The following CARM1 variants were observed in gnomAD, a reference collection of about 807,000 sequenced individuals.
The protein encoded by CARM1 is coactivator associated arginine methyltransferase 1, also known as histone-arginine methyltransferase CARM1.
Under a neutral mutation model 72.7 loss-of-function variants are expected in CARM1, and 14 were observed. The observed-to-expected ratio is 0.19, with a 90% CI of 0.13 to 0.30. CARM1 has a LOEUF of 0.30. CARM1 is among the 10% of genes least tolerant of loss of function. The pLI, the probability that CARM1 is intolerant of heterozygous loss-of-function variation, is 1.00. For missense variants in CARM1, 432 were observed against 833.7 expected (o/e 0.52, Z 5.93); for synonymous variants, 333 against 345.5 (o/e 0.96, Z 0.40).
Position 10,920,942 on chromosome 19 carries a change from G to C in CARM1, c.1533G>C (p.Val511=), listed in dbSNP as rs780534810. 4 of 1,614,090 alleles carry C rather than the reference G, an allele frequency of 2.5e-6. No homozygotes were observed. In the African/African-American group the frequency reaches 5.3e-5, roughly 22 times the overall value. ...STYNLSSGMA[V]AGMPTAYDLS... ...ACAACCTCAGCAGCGGGATGGCCGT[G>C]GCAGGTGAGCAGGGCCCACCCCAAT... is the stretch of plus-strand genomic sequence containing the variant. The change falls in exon 13 of 16, where the codon GTG becomes GTC. Residue 511 remains valine (V), a synonymous_variant. Transcript: ENST00000327064. This position sits in a 1 kb window ranked among gnomAD's most constrained non-coding sequence, Gnocchi z 5.3.
intron 2 of CARM1, among the ~76,000 whole-genome samples, chr19:10,905,653 A>C (rs1174911650): frequency 6.6e-6 from 1 of 152,158 alleles, no homozygotes; most frequent in Non-Finnish European, 1.5e-5. Context: ...CCAGTGGTTG[A>C]CACAGGTGCT....
rs963626981 is a variant in CARM1, at chr19:10,921,960, C to T, written c.*203C>T. ...CCACCTCCCGGCCCTGAGCGTGTGTCGCTGCCATATTTTACACAAAATCAT... is the reference window on the plus strand; with the variant it reads ...CCACCTCCCGGCCCTGAGCGTGTGTTGCTGCCATATTTTACACAAAATCAT... On this transcript the variant is annotated 3_prime_UTR_variant, in exon 16 of 16. Transcript: ENST00000327064. The T allele has an allele frequency of 1.7e-5, 9 of 530,710 alleles. No individual in the cohort carries two copies. Among genetic ancestry groups the T allele is most frequent in the South Asian group, 7.7e-5 (3 of 38,818 alleles). The allele number at this position is 530,710 out of a possible 1,614,324, so 32.9% of individuals were successfully genotyped here.
chr19:10,876,701 G>A (rs2073867218), intron 1 of CARM1, among the ~76,000 whole-genome samples: 1 of 152,260 alleles, frequency 6.6e-6, no homozygotes, highest in South Asian at 2.1e-4. Flanking sequence ...TGCAGAGGGG[G>A]AGGCCCTTTG....
Position 10,886,060 on chromosome 19 carries a change from T to C in CARM1, c.220+14138T>C, listed in dbSNP as rs567753902. On this transcript the variant is annotated intron_variant, in intron 1 of 15. Transcript: ENST00000327064. ...AATTTTTTTCTTTCTTTCTTTCTTT[T>C]TTTTTTTTTTTTTGAAATGGAGTTT... Among the ~76,000 whole-genome samples, 261 of 148,298 alleles carry C rather than the reference T, an allele frequency of 1.8e-3. 3 individuals carry two copies. The highest frequency in any genetic ancestry group is 8.5e-3 in the South Asian group (40 of 4,690).
At chr19:10,905,162 G>A in intron 2 of CARM1, 86 bp downstream of exon 2, 1 of 1,517,420 alleles carries the variant, frequency 6.6e-7, no homozygotes, top group Non-Finnish European at 8.9e-7. Context: ...TGGCTGAGGG[G>A]TGGCCCGTGC....
rs1299395944 is a variant in CARM1 at position 10,920,960 on chromosome 19, AC to A, written c.1537+18del. ...TGGCCGTGGCAGGTGAGCAGGGCCCACCCCAATGCCCAGCCAACCCGGGAGG... is the reference window on the plus strand; with the variant it reads ...TGGCCGTGGCAGGTGAGCAGGGCCCACCCAATGCCCAGCCAACCCGGGAGG... On this transcript the variant is annotated intron_variant, in intron 13 of 15. Coordinates refer to ENST00000327064, the MANE Select transcript of CARM1 (RefSeq NM_199141.2). The surrounding 1 kb of genome is among the most constrained non-coding windows in gnomAD (Gnocchi z 5.3). 1 of 1,613,478 alleles carries A rather than the reference AC, an allele frequency of 6.2e-7. No individual in the cohort carries two copies. The highest frequency in any genetic ancestry group is 1.7e-5 in the Admixed American group (1 of 60,026).
intron 6 of CARM1, 130 bp downstream of exon 6, chr19:10,914,184 C>A: frequency 2.1e-6 from 2 of 946,234 alleles, no homozygotes; most frequent in Non-Finnish European, 1.6e-6. Flanking sequence ...TGGGCTTTTC[C>A]CCCGCTCCCA....
intron 6 of CARM1, among the ~76,000 whole-genome samples, chr19:10,914,743 A>C (rs1207125178): frequency 6.6e-6 from 1 of 152,106 alleles, no homozygotes; most frequent in Non-Finnish European, 1.5e-5. Context: ...TTTAGTAGAG[A>C]TGGGGTTTCA....
At chr19:10,903,904 A>G (rs926489335) in intron 1 of CARM1, among the ~76,000 whole-genome samples, 14 of 152,118 alleles carry the variant, frequency 9.2e-5, no homozygotes, top group Admixed American at 3.3e-4. Context: ...GGGTCTTGCT[A>G]TGCTGCCCAG....
intron 1 of CARM1, among the ~76,000 whole-genome samples, chr19:10,894,288 G>A (rs751244503): frequency 2.0e-5 from 3 of 152,314 alleles, no homozygotes; most frequent in South Asian, 2.1e-4. Flanking sequence ...CTGGTTCACC[G>A]CCAGGTCCTC....
In CARM1 at chr19:10,914,823, TG is replaced by T. The variant is rs371746883; in HGVS notation, c.847+772del. Among the ~76,000 whole-genome samples the T allele has an allele frequency of 1.7e-3, 261 of 152,252 alleles. 2 individuals carry two copies. The highest frequency in any genetic ancestry group is 6.1e-3 in the African/African-American group (252 of 41,556). ...TACCCGCCTCAGCCTCCCAAAGTGT[TG>T]GGATTATAGGCATGAGCCACTGTGC... On this transcript the variant is annotated intron_variant, in intron 6 of 15. Coordinates refer to ENST00000327064, the MANE Select transcript of CARM1 (RefSeq NM_199141.2).
In CARM1 at chr19:10,912,329, C is replaced by T. The variant is rs755478677; in HGVS notation, c.669+35C>T. 3.3e-6 allele frequency: 5 copies of T among 1,510,634 alleles called. No homozygotes were observed. Among genetic ancestry groups the T allele is most frequent in the Admixed American group, 1.7e-5 (1 of 59,810 alleles). 93.6% of individuals were successfully genotyped at this position (1,510,634 alleles called of 1,614,324 possible). A position where few individuals can be genotyped will look rare whatever the true frequency, so the allele number is the denominator to read the frequency against. On this transcript the variant is annotated intron_variant, in intron 5 of 15. Coordinates refer to ENST00000327064, the MANE Select transcript of CARM1 (RefSeq NM_199141.2). This position sits in a 1 kb window ranked among gnomAD's most constrained non-coding sequence, Gnocchi z 4.5. Reference sequence around the variant, plus strand: ...CCGCTGGTGCCCACCCAGCCTCGTCCTCGCCCATGAGTGCCATGCCGGCCC... The same window carrying T: ...CCGCTGGTGCCCACCCAGCCTCGTCTTCGCCCATGAGTGCCATGCCGGCCC...
At chr19:10,880,293 G>T (rs1015976764) in intron 1 of CARM1, among the ~76,000 whole-genome samples, 2 of 152,190 alleles carry the variant, frequency 1.3e-5, no homozygotes, top group Non-Finnish European at 2.9e-5. Context: ...TTGAGGTGGC[G>T]AGTTGAGGCT....
At chr19:10,908,960 A>C in intron 3 of CARM1, 143 bp from the exon 4 acceptor site, 2 of 563,120 alleles carry the variant, frequency 3.6e-6, no homozygotes, top group Non-Finnish European at 3.2e-6. Context: ...TGGAGCTGCT[A>C]GTGGGGCCCA....
At chr19:10,879,630 G>A (rs1021907750) in intron 1 of CARM1, among the ~76,000 whole-genome samples, 3 of 151,842 alleles carry the variant, frequency 2.0e-5, no homozygotes, top group African/African-American at 4.8e-5. Flanking sequence ...TGGTTTTTTT[G>A]GAGATGAATT....
intron 2 of CARM1, among the ~76,000 whole-genome samples, chr19:10,907,041 G>A (rs922336399): frequency 2.0e-5 from 3 of 151,404 alleles, no homozygotes; most frequent in African/African-American, 7.3e-5. Flanking sequence ...TGAGTAGCTG[G>A]GATTACAGGT....
intron 2 of CARM1, among the ~76,000 whole-genome samples, chr19:10,907,733 C>T (rs772987923): frequency 4.6e-5 from 7 of 152,290 alleles, no homozygotes; most frequent in Non-Finnish European, 7.4e-5. Context: ...GGCCGGTGGG[C>T]GTGTGCTTGA....
chr19:10,894,729 T>TC (rs199798905), intron 1 of CARM1, among the ~76,000 whole-genome samples: 2 of 150,566 alleles, frequency 1.3e-5, no homozygotes, highest in Admixed American at 6.6e-5. Flanking sequence ...TTTTTTTTTT[T>TC]TCTCTCTCTC....
chr19:10,875,706 G>A (rs1599681360), intron 1 of CARM1, among the ~76,000 whole-genome samples: 1 of 151,560 alleles, frequency 6.6e-6, no homozygotes, highest in African/African-American at 2.4e-5. Flanking sequence ...TTACAGGCTT[G>A]AGCCACCGTG....
Sources: gnomAD v4.1 joint callset for allele counts (sites outside exome capture counted in the v4.1 genomes callset) on GRCh38, gnomAD v4.1.1 for gene constraint, Gnocchi (gnomAD v3.1) non-coding constraint, MANE v1.5 for transcripts, NCBI Gene and HGNC (gene_info 2026-07-23, HGNC 2026-07-21) for gene names.